The following FAM240A variants were observed in gnomAD, a reference collection of about 807,000 sequenced individuals.
FAM240A encodes the protein family with sequence similarity 240 member A, also known as protein FAM240A.
Under a neutral mutation model 7.3 loss-of-function variants are expected in FAM240A, and 8 were observed. That is an observed-to-expected ratio of 1.09 (90% CI 0.64 to 1.97). FAM240A has a LOEUF of 1.97. Ranked by LOEUF, FAM240A falls within the 30% of genes most tolerant of loss-of-function variation. The pLI is 0.00. For missense variants in FAM240A, 90 were observed against 102.2 expected (o/e 0.88, Z 0.52); for synonymous variants, 32 against 35.9 (o/e 0.89, Z 0.38).
chr3:46,625,948 T>C lies in FAM240A; in HGVS notation c.*730T>C, dbSNP rs1697757928. The C allele has an allele frequency of 1.3e-5, 2 of 152,228 alleles. No individual in the cohort carries two copies. Among genetic ancestry groups the C allele is most frequent in the Admixed American group, 1.3e-4 (2 of 15,278 alleles). 9.4% of individuals were successfully genotyped at this position (152,228 alleles called of 1,614,324 possible). On this transcript the variant is annotated 3_prime_UTR_variant, in exon 3 of 3. Transcript: ENST00000640551. ...ATATCTGGCCATTCCACAGAGTGTT[T>C]ACCACACAGATTCTGGATTTTGAAA...
intron 2 of FAM240A, among the ~76,000 whole-genome samples, chr3:46,621,359 G>C (rs971141064): frequency 2.0e-5 from 3 of 151,644 alleles, no homozygotes; most frequent in Non-Finnish European, 4.4e-5. Flanking sequence ...TATATTGTCT[G>C]TTAATATAGC....
At chr3:46,618,119 A>C (rs1424649099) in intron 2 of FAM240A, among the ~76,000 whole-genome samples, 1 of 152,160 alleles carries the variant, frequency 6.6e-6, no homozygotes, top group East Asian at 1.9e-4. Flanking sequence ...TGCTGTCCAG[A>C]CAGCAGGGCC....
At chr3:46,617,132 G>A in intron 1 of FAM240A, 51 bp from the exon 2 acceptor site, 2 of 1,214,078 alleles carry the variant, frequency 1.6e-6, no homozygotes, top group Non-Finnish European at 2.3e-6. Flanking sequence ...GTGATGTTGA[G>A]CATTTCTTCA....
At chr3:46,622,872 G>T in intron 2 of FAM240A, among the ~76,000 whole-genome samples, 1 of 152,094 alleles carries the variant, frequency 6.6e-6, no homozygotes, top group African/African-American at 2.4e-5. Context: ...TATGAATTTT[G>T]GAATCAACTT....
chr3:46,618,697 A>G (rs922845110), intron 2 of FAM240A, among the ~76,000 whole-genome samples: 8 of 151,728 alleles, frequency 5.3e-5, no homozygotes, highest in Non-Finnish European at 8.8e-5. Flanking sequence ...AAAATTAGCT[A>G]GGCGTGGTGG....
chr3:46,622,444 C>T (rs1052768478), intron 2 of FAM240A, among the ~76,000 whole-genome samples: 1 of 152,056 alleles, frequency 6.6e-6, no homozygotes, highest in Non-Finnish European at 1.5e-5. Flanking sequence ...TTTGTTGTAT[C>T]TAAGAAGACT....
At chr3:46,620,430 A>C (rs1287614414) in intron 2 of FAM240A, among the ~76,000 whole-genome samples, 1 of 142,514 alleles carries the variant, frequency 7.0e-6, no homozygotes, top group Admixed American at 7.0e-5. Context: ...TGCTAACATC[A>C]AAAAAGGTGA....
intron 1 of FAM240A, among the ~76,000 whole-genome samples, chr3:46,615,846 G>GCACA (rs201281577): frequency 9.3e-4 from 139 of 148,724 alleles, no homozygotes; most frequent in Non-Finnish European, 1.7e-3. Flanking sequence ...CCACATGTGT[G>GCACA]CACGCACACA....
intron 2 of FAM240A, among the ~76,000 whole-genome samples, chr3:46,624,262 C>CTTTT (rs1452049118): frequency 1.9e-4 from 20 of 103,450 alleles, no homozygotes; most frequent in African/African-American, 4.2e-4. Context: ...CAACGGTGGG[C>CTTTT]TATTTTTTTT....
intron 2 of FAM240A, among the ~76,000 whole-genome samples, chr3:46,622,588 A>C: frequency 6.6e-6 from 1 of 152,154 alleles, no homozygotes; most frequent in Non-Finnish European, 1.5e-5. Context: ...CCTGCAGTTC[A>C]CTTTTTTTGC....
chr3:46,618,874 TATATATATACACAC>T (rs1296125385), intron 2 of FAM240A, among the ~76,000 whole-genome samples: 1 of 40,126 alleles, frequency 2.5e-5, no homozygotes, highest in Non-Finnish European at 5.4e-5. Context: ...TATGTATATA[TATATATATACACAC>T]ACACACACAC....
At chr3:46,623,117 ATAT>A (rs1245034552) in intron 2 of FAM240A, among the ~76,000 whole-genome samples, 1 of 151,990 alleles carries the variant, frequency 6.6e-6, no homozygotes, top group East Asian at 1.9e-4. Context: ...TGTATTTTTG[ATAT>A]TATTATAATT....
At chr3:46,621,935 T>C (rs1697699435) in intron 2 of FAM240A, among the ~76,000 whole-genome samples, 1 of 151,774 alleles carries the variant, frequency 6.6e-6, no homozygotes, top group Admixed American at 6.6e-5. Context: ...TGTATTCCTT[T>C]CTATTTTTTT....
chr3:46,614,471 T>C (rs10452028), intron 1 of FAM240A, among the ~76,000 whole-genome samples: 13,015 of 152,274 alleles, frequency 0.085, 559 homozygotes, highest in Middle Eastern at 0.13. Flanking sequence ...CAGCAAAACA[T>C]ACACACACAG....
chr3:46,623,094 T>C (rs2107148065), intron 2 of FAM240A, among the ~76,000 whole-genome samples: 1 of 152,288 alleles, frequency 6.6e-6, no homozygotes, highest in East Asian at 1.9e-4. Flanking sequence ...TTTTGTCAGA[T>C]TTACCTCTAT....
intron 2 of FAM240A, among the ~76,000 whole-genome samples, chr3:46,624,554 G>A (rs565196919): frequency 6.6e-6 from 1 of 152,170 alleles, no homozygotes; most frequent in South Asian, 2.1e-4. Flanking sequence ...ACAGGAGTGA[G>A]CCACTGTGCC....
intron 1 of FAM240A, among the ~76,000 whole-genome samples, chr3:46,613,269 G>A (rs1040156813): frequency 1.3e-5 from 2 of 152,088 alleles, no homozygotes; most frequent in Admixed American, 6.5e-5. Context: ...CAAGGCCGGT[G>A]GATCACCTGA....
Position 46,612,592 on chromosome 3 carries a change from C to T in FAM240A, c.-92C>T, listed in dbSNP as rs993641582. On this transcript the variant is annotated 5_prime_UTR_variant, in exon 1 of 3. The change creates a new upstream start codon in the 5' untranslated region. Coordinates refer to ENST00000640551, the MANE Select transcript of FAM240A (RefSeq NM_001195442.2). ...CCTTTGTTCTTGTTGATTTGCTGAACGTGAATTGGCTCCTGGGGCAGCACA... is the reference window on the plus strand; with the variant it reads ...CCTTTGTTCTTGTTGATTTGCTGAATGTGAATTGGCTCCTGGGGCAGCACA... 1.3e-5 allele frequency: 12 copies of T among 949,794 alleles called. No homozygotes were observed. The highest frequency in any genetic ancestry group is 8.4e-5 in the South Asian group (6 of 71,572). The allele number at this position is 949,794 out of a possible 1,614,324, so 58.8% of individuals were successfully genotyped here.
At chr3:46,618,888 C>T (rs959889296) in intron 2 of FAM240A, among the ~76,000 whole-genome samples, 9 of 131,704 alleles carry the variant, frequency 6.8e-5, no homozygotes, top group African/African-American at 2.4e-4. Flanking sequence ...TATATACACA[C>T]ACACACACAC....
Sources: gnomAD v4.1 joint callset for allele counts (sites outside exome capture counted in the v4.1 genomes callset) on GRCh38, gnomAD v4.1.1 for gene constraint, MANE v1.5 for transcripts, NCBI Gene and HGNC (gene_info 2026-07-23, HGNC 2026-07-21) for gene names.